Variants in SENP6 observed in about 807,000 individuals in gnomAD.
SENP6 encodes the protein SUMO specific peptidase 6.
Under a neutral mutation model 134.5 loss-of-function variants are expected in SENP6, and 41 were observed. That is an observed-to-expected ratio of 0.30 (90% CI 0.24 to 0.40). The LOEUF (loss-of-function observed/expected upper bound fraction) is 0.40. Among genes scored for constraint, SENP6 ranks in the 10% least tolerant of loss-of-function variants. The probability of loss-of-function intolerance (pLI) is 1.00; values close to 1 mark genes in which losing one functional copy is unlikely to be tolerated. For missense variants in SENP6, 1,248 were observed against 1,312.5 expected (o/e 0.95, Z 0.76); for synonymous variants, 395 against 429.8 (o/e 0.92, Z 1.00).
chr6:75,640,729 G>A (rs1443319691), intron 6 of SENP6, 25 bp downstream of exon 6: 7 of 1,423,008 alleles, frequency 4.9e-6, no homozygotes, highest in Non-Finnish European at 6.7e-6. Flanking sequence ...GAAGAAATTA[G>A]AGCATGGATA....
At chr6:75,635,520 C>G (rs546132625) in intron 5 of SENP6, among the ~76,000 whole-genome samples, 1 of 152,094 alleles carries the variant, frequency 6.6e-6, no homozygotes, top group Admixed American at 6.6e-5. Flanking sequence ...TTAGAAGACA[C>G]GTCCTGAACC....
intron 18 of SENP6, among the ~76,000 whole-genome samples, chr6:75,702,096 A>G (rs1775074954): frequency 6.6e-6 from 1 of 152,134 alleles, no homozygotes; most frequent in Non-Finnish European, 1.5e-5. Context: ...TTGCAAAAGT[A>G]AATACAGGCT....
chr6:75,639,950 C>T lies in SENP6; in HGVS notation c.459-734C>T, dbSNP rs371248793. On this transcript the variant is annotated intron_variant, in intron 5 of 23. Coordinates refer to ENST00000447266, the MANE Select transcript of SENP6 (RefSeq NM_015571.4). The stretch of plus-strand genomic sequence containing the variant: ...TTCTTGAAGACTATTTCTGTAACAA[C>T]AGTAGTCTCCTCCTTATTTGTGGTT... 7.2e-4 allele frequency among the ~76,000 whole-genome samples: 110 copies of T among 152,274 alleles called. No individual in the cohort carries two copies. The South Asian group carries it at 0.01, about 14-fold the overall frequency.
intron 8 of SENP6, among the ~76,000 whole-genome samples, chr6:75,661,343 G>A (rs570103888): frequency 5.9e-5 from 9 of 152,196 alleles, no homozygotes; most frequent in Non-Finnish European, 8.8e-5. Flanking sequence ...CTCAGGCCAT[G>A]CTGATATCAC....
At chr6:75,645,358 G>A (rs1239052018) in intron 6 of SENP6, among the ~76,000 whole-genome samples, 1 of 152,228 alleles carries the variant, frequency 6.6e-6, no homozygotes, top group East Asian at 1.9e-4. Flanking sequence ...GTTTATGCCT[G>A]TAATCTCAGC....
intron 6 of SENP6, among the ~76,000 whole-genome samples, chr6:75,645,567 A>G (rs1178700535): frequency 6.6e-6 from 1 of 152,216 alleles, no homozygotes; most frequent in African/African-American, 2.4e-5. Flanking sequence ...CAGTGAGCCA[A>G]GATTGCGCAC....
intron 19 of SENP6, among the ~76,000 whole-genome samples, chr6:75,707,708 C>T (rs182401022): frequency 5.9e-5 from 9 of 152,014 alleles, no homozygotes; most frequent in African/African-American, 2.2e-4. Context: ...TTTTTTGAGA[C>T]AGTCTCACTT....
In SENP6 at chr6:75,602,370, C is replaced by A; in HGVS notation, c.-155C>A. ...CGCGCCTGGCCTGCCTTTGTATAGG[C>A]CCGTCTGAACGTGGGAGCGCAGCCC... is the stretch of plus-strand genomic sequence containing the variant. On this transcript the variant is annotated 5_prime_UTR_variant, in exon 1 of 24. Coordinates refer to ENST00000447266, the MANE Select transcript of SENP6 (RefSeq NM_015571.4). 2.4e-6 allele frequency: 2 copies of A among 834,358 alleles called. No individual in the cohort carries two copies. Among genetic ancestry groups the A allele is most frequent in the Non-Finnish European group, 3.7e-6 (2 of 536,694 alleles). 51.7% of individuals were successfully genotyped at this position (834,358 alleles called of 1,614,324 possible).
rs988274581 is a variant in SENP6 at position 75,602,168 on chromosome 6, A to T, written c.-357A>T. The stretch of plus-strand genomic sequence containing the variant: ...TTTCATTCTCCTTTCTTGGGAACCC[A>T]CGGCTGGGGGAAGTTTCTCAGGCAG... On this transcript the variant is annotated 5_prime_UTR_variant, in exon 1 of 24. Transcript: ENST00000447266. 1.7e-5 allele frequency: 4 copies of T among 229,496 alleles called. No homozygotes were observed. The highest frequency in any genetic ancestry group is 2.5e-5 in the Non-Finnish European group (3 of 118,920). 14.2% of individuals were successfully genotyped at this position (229,496 alleles called of 1,614,324 possible).
chr6:75,644,475 C>CTTTTTTTTT (rs71002753), intron 6 of SENP6, among the ~76,000 whole-genome samples: 3 of 143,494 alleles, frequency 2.1e-5, no homozygotes, highest in Middle Eastern at 3.7e-3. Flanking sequence ...TTCTTTCTTT[C>CTTTTTTTTT]TTTTTTTTTT....
intron 8 of SENP6, among the ~76,000 whole-genome samples, chr6:75,660,701 C>T (rs1039339960): frequency 6.6e-6 from 1 of 151,832 alleles, no homozygotes; most frequent in African/African-American, 2.4e-5. Context: ...GGAGCGATCT[C>T]GGCTCACTGT....
intron 16 of SENP6, among the ~76,000 whole-genome samples, chr6:75,682,297 C>A (rs1377415122): frequency 1.3e-5 from 2 of 151,892 alleles, no homozygotes; most frequent in African/African-American, 4.8e-5. Context: ...ATGTTAGTAC[C>A]CCTCTCTCAA....
intron 1 of SENP6, among the ~76,000 whole-genome samples, chr6:75,615,552 T>G (rs1034354004): frequency 6.6e-5 from 10 of 152,230 alleles, no homozygotes; most frequent in Non-Finnish European, 1.3e-4. Context: ...TTACTTTTGC[T>G]TTTTAGAATA....
intron 16 of SENP6, among the ~76,000 whole-genome samples, chr6:75,680,030 G>A (rs973599418): frequency 6.6e-6 from 1 of 152,194 alleles, no homozygotes; most frequent in Non-Finnish European, 1.5e-5. Context: ...TGGAAGTCTA[G>A]ATGAGAGGTG....
intron 1 of SENP6, among the ~76,000 whole-genome samples, chr6:75,612,485 C>T (rs972925049): frequency 6.6e-6 from 1 of 152,120 alleles, no homozygotes; most frequent in African/African-American, 2.4e-5. Flanking sequence ...GCTTGTGCCA[C>T]CACAACCAGC....
chr6:75,670,652 A>G lies in SENP6; in HGVS notation c.1324A>G (p.Ser442Gly), dbSNP rs777122359. ...TTTAAGCTGCCAAAGTTCCTTTGAC[A>G]GTGTCATTTTAAACTGTCGAAGTAT... Reference protein sequence around the residue: ...LALSCQSSFDSVILNCRSIRV... With the variant: ...LALSCQSSFDGVILNCRSIRV... Residue 442 changes from serine to glycine, a missense_variant, in exon 11 of 24, where the codon AGT becomes GGT. Coordinates refer to ENST00000447266, the MANE Select transcript of SENP6 (RefSeq NM_015571.4). The G allele has an allele frequency of 5.0e-6, 8 of 1,613,696 alleles. No individual in the cohort carries two copies. Among genetic ancestry groups the G allele is most frequent in the Admixed American group, 1.7e-5 (1 of 60,018 alleles).
chr6:75,603,576 T>G (rs1018088016), intron 1 of SENP6, among the ~76,000 whole-genome samples: 3 of 152,196 alleles, frequency 2.0e-5, no homozygotes, highest in Non-Finnish European at 4.4e-5. Context: ...ATAACTTCTT[T>G]TAGTATGTTT....
chr6:75,655,144 A>G (rs929912507), intron 7 of SENP6: 5 of 152,256 alleles, frequency 3.3e-5, no homozygotes, highest in African/African-American at 7.2e-5. Context: ...TCTATTGGGG[A>G]TGGTCGTCCT....
At chr6:75,610,688 ACT>A (rs1426053021) in intron 1 of SENP6, among the ~76,000 whole-genome samples, 1 of 152,064 alleles carries the variant, frequency 6.6e-6, no homozygotes, top group African/African-American at 2.4e-5. Flanking sequence ...ATGTTTGGAC[ACT>A]CTGCCTTGTC....
Sources: allele counts gnomAD v4.1 joint callset (sites outside exome capture counted in the v4.1 genomes callset), GRCh38; gene constraint gnomAD v4.1.1; transcripts MANE v1.5; gene names NCBI Gene and HGNC (gene_info 2026-07-23, HGNC 2026-07-21).